The following ATG13 variants were observed in gnomAD, a reference collection of about 807,000 sequenced individuals.
ATG13 encodes autophagy related 13.
A neutral mutation model predicts 65.5 loss-of-function variants in ATG13; 23 were observed. The ratio of observed to expected loss-of-function variants is 0.35; its 90% confidence interval spans 0.25 to 0.50. ATG13 has a LOEUF of 0.50. Among genes scored for constraint, ATG13 ranks in the 20% least tolerant of loss-of-function variants. ATG13 has a pLI of 0.98. For missense variants in ATG13, 566 were observed against 677.0 expected (o/e 0.84, Z 1.82); for synonymous variants, 252 against 245.2 (o/e 1.03, Z -0.26).
intron 7 of ATG13, among the ~76,000 whole-genome samples, chr11:46,653,670 C>T (rs902424879): frequency 5.3e-5 from 8 of 151,660 alleles, no homozygotes; most frequent in Non-Finnish European, 1.0e-4. Flanking sequence ...CCCAGGTTCA[C>T]GCCATTCTCC....
At position 46,619,372 on chromosome 11, in the gene ATG13, C is replaced by CTT. The variant is rs746642470; in HGVS notation, c.-70+1510_-70+1511dup. ...ATGTCCTTGGAAGGTAGATTTCTTG[C>CTT]TTTTTTTTTTTTTTTTTTTTTTTTT... On this transcript the variant is annotated intron_variant, in intron 1 of 18. Transcript: ENST00000683050. Among the ~76,000 whole-genome samples, 31 of 35,322 alleles carry CTT rather than the reference C, an allele frequency of 8.8e-4. 9 individuals are homozygous for CTT. Among genetic ancestry groups the CTT allele is most frequent in the East Asian group, 1.6e-3 (2 of 1,238 alleles). 23.2% of individuals were successfully genotyped at this position (35,322 alleles called of 152,430 possible). A position where few individuals can be genotyped will look rare whatever the true frequency, so the allele number is the denominator to read the frequency against.
In ATG13 at chr11:46,664,327, A is replaced by T. The variant is rs370717048; in HGVS notation, c.888+232A>T. Among the ~76,000 whole-genome samples the T allele has an allele frequency of 1.3e-3, 202 of 152,268 alleles. 4 individuals carry two copies. The South Asian group carries it at 0.04, about 30-fold the overall frequency. Reference sequence around the variant, plus strand: ...ATGTGAAAAATACATGGAGTTATTTATATCAGATTTTTAAATAAACAACTC... The same window carrying T: ...ATGTGAAAAATACATGGAGTTATTTTTATCAGATTTTTAAATAAACAACTC... On this transcript the variant is annotated intron_variant, in intron 12 of 18. Coordinates refer to ENST00000683050, the MANE Select transcript of ATG13 (RefSeq NM_001346311.2).
rs546522562 is a variant in ATG13 at position 46,636,773 on chromosome 11, T to TA, written c.-14+6674dup. ...CGCTGGGCCTATGTGATTTAGTTGA[T>TA]ACAGTTTTTTTTTTTCTTTTGAGGT... On this transcript the variant is annotated intron_variant, in intron 2 of 18. Coordinates refer to ENST00000683050, the MANE Select transcript of ATG13 (RefSeq NM_001346311.2). 9.9e-4 allele frequency among the ~76,000 whole-genome samples: 150 copies of TA among 151,850 alleles called. No individual in the cohort carries two copies. In the Middle Eastern group the frequency reaches 0.017, roughly 18 times the overall value.
chr11:46,660,163 C>T (rs1001124800), intron 11 of ATG13: 2 of 152,246 alleles, frequency 1.3e-5, no homozygotes, highest in African/African-American at 4.8e-5. Flanking sequence ...TCTTGCCTTC[C>T]ACCACAAGTC....
At chr11:46,653,996 A>G (rs1440190017) in intron 7 of ATG13, among the ~76,000 whole-genome samples, 1 of 151,992 alleles carries the variant, frequency 6.6e-6, no homozygotes, top group Admixed American at 6.6e-5. Context: ...ACTTTTTGCT[A>G]ATATAGACTG....
In ATG13 at chr11:46,674,254, G is replaced by A. The variant is rs921372724; in HGVS notation, c.*1922G>A. ...TTCACCAGGGCTCCATCTGTGAAGA[G>A]TCTCAGCCATGACTTTGAGCTGAGC... On this transcript the variant is annotated 3_prime_UTR_variant, in exon 19 of 19. Coordinates refer to ENST00000683050, the MANE Select transcript of ATG13 (RefSeq NM_001346311.2). The A allele has an allele frequency of 2.6e-5, 4 of 152,334 alleles. No homozygotes were observed. The highest frequency in any genetic ancestry group is 9.7e-5 in the African/African-American group (4 of 41,444). The allele number at this position is 152,334 out of a possible 1,614,324, so 9.4% of individuals were successfully genotyped here. A position where few individuals can be genotyped will look rare whatever the true frequency, so the allele number is the denominator to read the frequency against.
intron 2 of ATG13, among the ~76,000 whole-genome samples, chr11:46,635,966 G>C (rs1226569948): frequency 6.6e-6 from 1 of 152,054 alleles, no homozygotes. Context: ...TTCTTCGTGA[G>C]ACAGGGCCTT....
rs61884293 is a variant in ATG13 at position 46,668,834 on chromosome 11, A to G, written c.1370A>G (p.Gln457Arg). 1.2e-6 allele frequency: 2 copies of G among 1,613,852 alleles called. No individual in the cohort carries two copies. The highest frequency in any genetic ancestry group is 3.3e-5 in the Admixed American group (2 of 60,000). ...TCCCCAGAGACTGAATCTCCTCTCC[A>G]GGGCAGCCTGCACTCAGATGGCTCC... ...PDSPETESPL[Q>R]GSLHSDGSSG... Residue 457 changes from glutamine (Q) to arginine (R), a missense_variant, in exon 17 of 19, where the codon CAG (glutamine) becomes CGG (arginine). By Grantham distance (43) the Gln-to-Arg change is conservative. Coordinates refer to ENST00000683050, the MANE Select transcript of ATG13 (RefSeq NM_001346311.2).
chr11:46,649,083 G>A, intron 5 of ATG13, 54 bp from the exon 6 acceptor site: 1 of 1,492,324 alleles, frequency 6.7e-7, no homozygotes, highest in Non-Finnish European at 9.2e-7. Context: ...TGACTGTAAT[G>A]CTTTGAAATT....
intron 2 of ATG13, among the ~76,000 whole-genome samples, chr11:46,633,370 C>T (rs112398210): frequency 0.023 from 3,413 of 151,044 alleles, 124 homozygotes; most frequent in African/African-American, 0.078. Flanking sequence ...TTTTTGGAGA[C>T]GGAGTTTTGC....
intron 2 of ATG13, among the ~76,000 whole-genome samples, chr11:46,635,489 T>C (rs577483336): frequency 6.1e-4 from 93 of 152,226 alleles, no homozygotes; most frequent in Middle Eastern, 6.8e-3. Flanking sequence ...TTTTAAAAAA[T>C]TGCATAGCAA....
At chr11:46,618,879 G>A (rs997424105) in intron 1 of ATG13, among the ~76,000 whole-genome samples, 1 of 151,946 alleles carries the variant, frequency 6.6e-6, no homozygotes, top group African/African-American at 2.4e-5. Context: ...GTACAGTGGC[G>A]CCTTCATAGC....
At chr11:46,630,690 G>T (rs569431704) in intron 2 of ATG13, among the ~76,000 whole-genome samples, 1 of 148,728 alleles carries the variant, frequency 6.7e-6, no homozygotes, top group East Asian at 2.0e-4. Context: ...GCCTACCTCA[G>T]CCTCCCAGTA....
intron 5 of ATG13, 145 bp downstream of exon 5, chr11:46,646,134 CT>C: frequency 8.3e-7 from 1 of 1,207,290 alleles, no homozygotes; most frequent in South Asian, 1.8e-5. Flanking sequence ...TTTTTTTGTT[CT>C]TTTTTGTTTG....
intron 2 of ATG13, among the ~76,000 whole-genome samples, chr11:46,636,860 G>A (rs903134933): frequency 6.6e-6 from 1 of 151,748 alleles, no homozygotes; most frequent in African/African-American, 2.4e-5. Context: ...CCCGAGTAGC[G>A]GGGACTACAG....
intron 15 of ATG13, 126 bp from the exon 16 acceptor site, chr11:46,668,373 T>TAA (rs2062871091): frequency 1.1e-6 from 1 of 923,850 alleles, no homozygotes. Context: ...GGCAGGAGCC[T>TAA]AAGGGGCAGC....
At position 46,662,744 on chromosome 11, in the gene ATG13, A is replaced by G. The variant is rs114079126; in HGVS notation, c.790-1253A>G. Among the ~76,000 whole-genome samples, 182 of 152,328 alleles carry G rather than the reference A, an allele frequency of 1.2e-3. 2 individuals are homozygous for G. Among genetic ancestry groups the G allele is most frequent in the African/African-American group, 4.2e-3 (174 of 41,568 alleles). On this transcript the variant is annotated intron_variant, in intron 11 of 18. Transcript: ENST00000683050. ...CCTGTTAATATTATTCCTGTTAATA[A>G]TGTAGTATTTTTCTTAGTGACTTGC... is the stretch of plus-strand genomic sequence containing the variant.
chr11:46,647,606 C>G (rs935076273), intron 5 of ATG13, among the ~76,000 whole-genome samples: 2 of 151,894 alleles, frequency 1.3e-5, no homozygotes, highest in East Asian at 3.9e-4. Context: ...GGGTCTCACT[C>G]TGTCACCCAG....
At chr11:46,647,271 GTTTTTTTTGTTTT>G (rs56291339) in intron 5 of ATG13, among the ~76,000 whole-genome samples, 80,289 of 132,330 alleles carry the variant, frequency 0.61, 26,518 homozygotes, top group East Asian at 0.86. Context: ...TTGGGTTTTT[GTTTTTTTTGTTTT>G]TTTTTTTTGT....
Sources: allele counts gnomAD v4.1 joint callset (sites outside exome capture counted in the v4.1 genomes callset), GRCh38; gene constraint gnomAD v4.1.1; transcripts MANE v1.5; gene names NCBI Gene and HGNC (gene_info 2026-07-23, HGNC 2026-07-21).